The following SMAD7 variants were observed in gnomAD, a reference collection of about 807,000 sequenced individuals.
The protein encoded by SMAD7 is MAD (mothers against decapentaplegic, Drosophila) homolog 7.
A neutral mutation model predicts 38.7 loss-of-function variants in SMAD7; 8 were observed. The observed-to-expected ratio is 0.21, with a 90% CI of 0.12 to 0.37. The LOEUF (loss-of-function observed/expected upper bound fraction) is 0.37, where lower values mean the gene tolerates loss of function less well. SMAD7 is among the 10% of genes least tolerant of loss of function. SMAD7 has a pLI of 1.00. For missense variants in SMAD7, 477 were observed against 577.9 expected (o/e 0.83, Z 1.79); for synonymous variants, 327 against 265.1 (o/e 1.23, Z -2.27).
At chr18:48,924,359 G>A (rs1175685839) in intron 3 of SMAD7, among the ~76,000 whole-genome samples, 1 of 152,144 alleles carries the variant, frequency 6.6e-6, no homozygotes, top group Non-Finnish European at 1.5e-5. Context: ...ACCTGAGATC[G>A]AGGTGCCCCC....
chr18:48,929,325 C>A (rs1013128761), intron 3 of SMAD7, among the ~76,000 whole-genome samples: 57 of 152,056 alleles, frequency 3.7e-4, no homozygotes, highest in African/African-American at 1.3e-3. Context: ...TGGGCATGAC[C>A]CTGGCACCCC....
At chr18:48,942,113 CAA>C (rs1340470582) in intron 3 of SMAD7, among the ~76,000 whole-genome samples, 6 of 152,270 alleles carry the variant, frequency 3.9e-5, no homozygotes, top group African/African-American at 1.4e-4. Flanking sequence ...CCCCCATGCG[CAA>C]AGAGCAAAAG....
Position 48,949,956 on chromosome 18 carries a change from G to C in SMAD7, c.469C>G (p.Leu157Val), listed in dbSNP as rs751156123. 15 of 1,611,262 alleles carry C rather than the reference G, an allele frequency of 9.3e-6. No homozygotes were observed. Among genetic ancestry groups the C allele is most frequent in the Non-Finnish European group, 1.2e-5 (14 of 1,179,038 alleles). ...CACCTGAACACTTTGCACAGCAGGA[G>C]GGGGAGCGAGTAGGACGAGGGCGGC... ...AQPPSSYSLP[L>V]LLCKVFRWPD... The change falls in exon 1 of 4, where the codon CTC becomes GTC. Residue 157 changes from leucine to valine, a missense_variant. Physicochemically the swap from Leu to Val is conservative, Grantham distance 32. Coordinates refer to ENST00000262158, the MANE Select transcript of SMAD7 (RefSeq NM_005904.4).
At position 48,948,424 on chromosome 18, in the gene SMAD7, A is replaced by AGG. The variant is rs747624971; in HGVS notation, c.625_626dup (p.Pro210LeufsTer115). ...AATCCATCGGGTATCTGGAGTAAGG[A>AGG]GGGGGGGGAGACTCTGAAATTAAAA... On this transcript the variant is annotated frameshift_variant, in exon 2 of 4. Coordinates refer to ENST00000262158, the MANE Select transcript of SMAD7 (RefSeq NM_005904.4). LOFTEE classifies it high-confidence loss of function. 2 of 1,588,572 alleles carry AGG rather than the reference A, an allele frequency of 1.3e-6. No individual in the cohort carries two copies. Among genetic ancestry groups the AGG allele is most frequent in the South Asian group, 1.1e-5 (1 of 87,376 alleles).
At chr18:48,929,567 T>TCACACACACA (rs112497008) in intron 3 of SMAD7, among the ~76,000 whole-genome samples, 6 of 61,790 alleles carry the variant, frequency 9.7e-5, no homozygotes, top group Admixed American at 1.9e-4. Context: ...TCTCTCTCTC[T>TCACACACACA]CTCACTCACA....
At chr18:48,948,344 A>G in intron 2 of SMAD7, 40 bp downstream of exon 2, 1 of 1,451,524 alleles carries the variant, frequency 6.9e-7, no homozygotes, top group Non-Finnish European at 9.5e-7. Context: ...TCTATTTCTA[A>G]CTTAAGATAA....
chr18:48,925,442 A>G (rs59381517), intron 3 of SMAD7, among the ~76,000 whole-genome samples: 3 of 151,060 alleles, frequency 2.0e-5, no homozygotes, highest in Admixed American at 2.0e-4. Context: ...GCCCCCCCCC[A>G]ACCTTCCCCA....
In SMAD7 at chr18:48,949,975, GGGC is replaced by G. The variant is rs1467872982; in HGVS notation, c.447_449del (p.Pro150del). Reference sequence around the variant, plus strand: ...GCAGGAGGGGGAGCGAGTAGGACGAGGGCGGCTGCGCAGGCTGCGCGCCGGCGG... The same window carrying G: ...GCAGGAGGGGGAGCGAGTAGGACGAGGGCTGCGCAGGCTGCGCGCCGGCGG... On this transcript the variant is annotated inframe_deletion, in exon 1 of 4. Coordinates refer to ENST00000262158, the MANE Select transcript of SMAD7 (RefSeq NM_005904.4). 1 of 1,601,490 alleles carries G rather than the reference GGGC, an allele frequency of 6.2e-7. No homozygotes were observed. Among genetic ancestry groups the G allele is most frequent in the Non-Finnish European group, 8.5e-7 (1 of 1,174,762 alleles).
chr18:48,939,295 A>G (rs4939832), intron 3 of SMAD7, among the ~76,000 whole-genome samples: 47,376 of 150,992 alleles, frequency 0.31, 8,143 homozygotes, highest in South Asian at 0.5. Context: ...AAAATGTCCC[A>G]TTTTCCCAGA....
At chr18:48,924,114 G>A (rs530820123) in intron 3 of SMAD7, among the ~76,000 whole-genome samples, 1 of 152,140 alleles carries the variant, frequency 6.6e-6, no homozygotes, top group South Asian at 2.1e-4. Context: ...TTGGTGTGGA[G>A]GAGGGTGTTC....
intron 3 of SMAD7, among the ~76,000 whole-genome samples, chr18:48,933,090 C>T (rs533976181): frequency 6.6e-6 from 1 of 152,228 alleles, no homozygotes; most frequent in South Asian, 2.1e-4. Context: ...CAGCAAGAAG[C>T]GGGGTGGGGA....
chr18:48,923,656 A>G (rs1599219273), intron 3 of SMAD7, among the ~76,000 whole-genome samples: 1 of 152,120 alleles, frequency 6.6e-6, no homozygotes, highest in South Asian at 2.1e-4. Flanking sequence ...AGCTCCACAA[A>G]AAGGGGACAC....
At position 48,942,607 on chromosome 18, in the gene SMAD7, C is replaced by A. The variant is rs771351983; in HGVS notation, c.668-52G>T. The stretch of plus-strand genomic sequence containing the variant: ...GAAATAAATACACAAATAAAAACAC[C>A]AAGATCCATCTTTAAGCACGCTCTA... On this transcript the variant is annotated intron_variant, in intron 2 of 3. Coordinates refer to ENST00000262158, the MANE Select transcript of SMAD7 (RefSeq NM_005904.4). 2.5e-6 allele frequency: 4 copies of A among 1,611,986 alleles called. No homozygotes were observed. The African/African-American group carries it at 5.3e-5, about 22-fold the overall frequency.
chr18:48,921,984 C>G lies in SMAD7; in HGVS notation c.743-74G>C. On this transcript the variant is annotated intron_variant, in intron 3 of 3. Coordinates refer to ENST00000262158, the MANE Select transcript of SMAD7 (RefSeq NM_005904.4). The surrounding 1 kb of genome is among the most constrained non-coding windows in gnomAD (Gnocchi z 6.4). ...CTCCTAGAATGAAGACACCCGCCCC[C>G]CCACTGCACCCAGTCACCAGCTCAT... is the stretch of plus-strand genomic sequence containing the variant. 8.9e-7 allele frequency: 1 copy of G among 1,129,666 alleles called. No homozygotes were observed. Among genetic ancestry groups the G allele is most frequent in the Non-Finnish European group, 1.3e-6 (1 of 798,704 alleles). 70.0% of individuals were successfully genotyped at this position (1,129,666 alleles called of 1,614,324 possible). A position where few individuals can be genotyped will look rare whatever the true frequency, so the allele number is the denominator to read the frequency against.
At chr18:48,936,756 A>G (rs993480046) in intron 3 of SMAD7, among the ~76,000 whole-genome samples, 1 of 152,182 alleles carries the variant, frequency 6.6e-6, no homozygotes, top group Non-Finnish European at 1.5e-5. Context: ...TAATTCTGCA[A>G]GGAATTATGA....
rs3809923 is a variant in SMAD7, at chr18:48,921,447, G to C, written c.1206C>G (p.Gly402=). 0.01 allele frequency: 16,871 copies of C among 1,614,058 alleles called. 1,203 individuals are homozygous for C. The East Asian group carries it at 0.15, about 14-fold the overall frequency. The change falls in exon 4 of 4, where the codon GGC becomes GGG. Residue 402 remains glycine (G), a synonymous_variant. Transcript: ENST00000262158. The surrounding 1 kb of genome is among the most constrained non-coding windows in gnomAD (Gnocchi z 6.4). ...GFTVQISFVK[G]WGQCYTRQFI... Reference sequence around the variant, plus strand: ...ACTGGCGGGTGTAGCACTGGCCCCAGCCCTTCACAAAGCTGATCTGCACGG... The same window carrying C: ...ACTGGCGGGTGTAGCACTGGCCCCACCCCTTCACAAAGCTGATCTGCACGG...
intron 1 of SMAD7, 36 bp from the exon 2 acceptor site, chr18:48,948,473 G>A (rs1274897200): frequency 7.0e-7 from 1 of 1,429,902 alleles, no homozygotes; most frequent in Admixed American, 1.9e-5. Context: ...TAAAGGCCCA[G>A]CCATGAGAAG....
intron 3 of SMAD7, among the ~76,000 whole-genome samples, chr18:48,929,350 G>A (rs2069965088): frequency 1.3e-5 from 2 of 151,980 alleles, no homozygotes; most frequent in South Asian, 2.1e-4. Context: ...AAGACACAAG[G>A]GCTGGGACAA....
At chr18:48,935,409 CT>C (rs2070053034) in intron 3 of SMAD7, among the ~76,000 whole-genome samples, 1 of 152,210 alleles carries the variant, frequency 6.6e-6, no homozygotes, top group East Asian at 1.9e-4. Flanking sequence ...CAGTGGTGAC[CT>C]CCCTGTGGCT....
Sources: gnomAD v4.1 joint callset for allele counts (sites outside exome capture counted in the v4.1 genomes callset) on GRCh38, gnomAD v4.1.1 for gene constraint, Gnocchi (gnomAD v3.1) non-coding constraint, MANE v1.5 for transcripts, NCBI Gene and HGNC (gene_info 2026-07-23, HGNC 2026-07-21) for gene names.